The following NTM variants were observed in gnomAD, a reference collection of about 807,000 sequenced individuals.
NTM encodes IgLON family member 2.
In NTM, 13 loss-of-function variants were observed where a neutral mutation model predicts 42.1. The ratio of observed to expected loss-of-function variants is 0.31; its 90% CI spans 0.20 to 0.49. The LOEUF is 0.49. Among genes scored for constraint, NTM ranks in the 20% least tolerant of loss-of-function variants. The pLI is 0.99. For synonymous variants in NTM, 187 were observed against 179.2 expected (o/e 1.04, Z -0.35); for missense variants, 373 against 452.8 (o/e 0.82, Z 1.60).
intron 3 of NTM, among the ~76,000 whole-genome samples, chr11:132,198,633 G>A (rs1282228405): frequency 6.6e-6 from 1 of 152,196 alleles, no homozygotes; most frequent in Non-Finnish European, 1.5e-5. Context: ...ATTGGAGCCT[G>A]AGTCTACTTG....
chr11:132,106,301 A>G (rs1416330410), intron 2 of NTM, among the ~76,000 whole-genome samples: 1 of 152,158 alleles, frequency 6.6e-6, no homozygotes, highest in Non-Finnish European at 1.5e-5. Flanking sequence ...TGCCTTTTGT[A>G]TGATATTTCA....
At chr11:132,239,118 C>T (rs773854192) in intron 4 of NTM, among the ~76,000 whole-genome samples, 1 of 152,182 alleles carries the variant, frequency 6.6e-6, no homozygotes, top group Non-Finnish European at 1.5e-5. Flanking sequence ...AGAGACACTG[C>T]CGTAAGTCGG....
chr11:132,109,799 A>G (rs2062920085), intron 2 of NTM, among the ~76,000 whole-genome samples: 1 of 151,114 alleles, frequency 6.6e-6, no homozygotes, highest in African/African-American at 2.4e-5. Flanking sequence ...CCTCCCTCCC[A>G]CTCTTTCTTC....
At chr11:131,895,551 G>A (rs2052134544) in intron 1 of NTM, among the ~76,000 whole-genome samples, 1 of 152,112 alleles carries the variant, frequency 6.6e-6, no homozygotes, top group East Asian at 1.9e-4. Flanking sequence ...CCTTCAGAGA[G>A]CTTACAACCT....
At chr11:132,119,404 A>T (rs2064395706) in intron 2 of NTM, among the ~76,000 whole-genome samples, 1 of 152,148 alleles carries the variant, frequency 6.6e-6, no homozygotes, top group Non-Finnish European at 1.5e-5. Context: ...GATATCAAAG[A>T]GTGGAGCTGG....
At chr11:132,140,935 G>A (rs145367526) in intron 2 of NTM, 1 of 152,320 alleles carries the variant, frequency 6.6e-6, no homozygotes, top group African/African-American at 2.4e-5. Context: ...AAGGGCGAAA[G>A]CACTTATTTT....
intron 2 of NTM, among the ~76,000 whole-genome samples, chr11:132,061,325 A>AT (rs1484076327): frequency 1.3e-5 from 2 of 152,244 alleles, no homozygotes; most frequent in African/African-American, 4.8e-5. Context: ...AAATGTCTTT[A>AT]TCAACACCTT....
intron 1 of NTM, among the ~76,000 whole-genome samples, chr11:131,751,521 C>T (rs1431417896): frequency 2.7e-5 from 4 of 150,170 alleles, no homozygotes; most frequent in African/African-American, 4.9e-5. Context: ...ACCTGGGAGG[C>T]GGAGCTTGCA....
chr11:131,812,345 G>A (rs1485404318), intron 1 of NTM, among the ~76,000 whole-genome samples: 2 of 152,116 alleles, frequency 1.3e-5, no homozygotes, highest in Non-Finnish European at 2.9e-5. Context: ...TCAGTAAATA[G>A]TGATGTTTGG....
chr11:132,172,779 G>C (rs2076286999), intron 3 of NTM, among the ~76,000 whole-genome samples: 1 of 152,132 alleles, frequency 6.6e-6, no homozygotes, highest in African/African-American at 2.4e-5. Flanking sequence ...TTTTGATGCT[G>C]TCAGAAACTC....
chr11:131,863,647 G>A (rs1212472436), intron 1 of NTM, among the ~76,000 whole-genome samples: 1 of 152,186 alleles, frequency 6.6e-6, no homozygotes, highest in African/African-American at 2.4e-5. Context: ...ACCATAACAT[G>A]GAAAGCTGAA....
chr11:131,920,166 C>G (rs756019523), intron 2 of NTM, among the ~76,000 whole-genome samples: 14 of 152,160 alleles, frequency 9.2e-5, no homozygotes, highest in Non-Finnish European at 1.9e-4. Context: ...GTGCCAGACC[C>G]CTTTTCCTTG....
chr11:132,178,421 C>T (rs1592044197), intron 3 of NTM, among the ~76,000 whole-genome samples: 1 of 152,120 alleles, frequency 6.6e-6, no homozygotes, highest in Non-Finnish European at 1.5e-5. Flanking sequence ...TCCAGCCTAA[C>T]CTAAAAATTT....
At chr11:131,640,023 T>G (rs2064941023) in intron 1 of NTM, among the ~76,000 whole-genome samples, 1 of 152,006 alleles carries the variant, frequency 6.6e-6, no homozygotes, top group Non-Finnish European at 1.5e-5. Context: ...AATGGCCCAA[T>G]TTCTCTTCTG....
intron 1 of NTM, among the ~76,000 whole-genome samples, chr11:131,552,231 A>G (rs1446208739): frequency 6.6e-6 from 1 of 152,162 alleles, no homozygotes; most frequent in Non-Finnish European, 1.5e-5. Context: ...GCCAACATCG[A>G]GTGTTGATAA....
At chr11:131,933,936 G>A (rs1490764784) in intron 2 of NTM, among the ~76,000 whole-genome samples, 5 of 152,014 alleles carry the variant, frequency 3.3e-5, no homozygotes, top group African/African-American at 1.2e-4. Context: ...TTAACACTCA[G>A]AGCCCCGTGA....
At chr11:131,474,446 A>G (rs61901912) in intron 1 of NTM, among the ~76,000 whole-genome samples, 12,979 of 152,002 alleles carry the variant, frequency 0.085, 747 homozygotes, top group Non-Finnish European at 0.13. Context: ...CCCAATCTTG[A>G]TCTCCAGTCC....
intron 1 of NTM, among the ~76,000 whole-genome samples, chr11:131,889,430 C>A (rs957582004): frequency 6.6e-6 from 1 of 152,236 alleles, no homozygotes; most frequent in Non-Finnish European, 1.5e-5. Flanking sequence ...GCACAGCACA[C>A]ACCACTCTCC....
chr11:132,000,339 T>C lies in NTM; in HGVS notation c.167+88691T>C, dbSNP rs2068955366. Among the ~76,000 whole-genome samples, 3 of 152,212 alleles carry C rather than the reference T, an allele frequency of 2.0e-5. No homozygotes were observed. In the South Asian group the frequency reaches 6.2e-4, roughly 32 times the overall value. On this transcript the variant is annotated intron_variant, in intron 2 of 8. Coordinates refer to ENST00000683400, the MANE Select transcript of NTM (RefSeq NM_001352005.2). The stretch of plus-strand genomic sequence containing the variant: ...AGCAAAAGATTTCCATATCATCAAC[T>C]CCTTGTCTCTTTGCAAACGCTCATC...
Sources: allele counts gnomAD v4.1 joint callset (sites outside exome capture counted in the v4.1 genomes callset), GRCh38; gene constraint gnomAD v4.1.1; transcripts MANE v1.5; gene names NCBI Gene and HGNC (gene_info 2026-07-23, HGNC 2026-07-21).